The following SLC71A2 variants were observed in gnomAD, a reference collection of about 807,000 sequenced individuals.
SLC71A2 encodes solute carrier family 71 member 2.
the SLC71A2 span, among the ~76,000 whole-genome samples, chr9:94,435,970 GC>G: frequency 6.6e-6 from 1 of 151,286 alleles, no homozygotes; most frequent in Non-Finnish European, 1.5e-5. Context: ...TTCTTAAAAG[GC>G]TTTCTTTACT....
chr9:94,396,083 A>G, the SLC71A2 span, among the ~76,000 whole-genome samples: 2 of 151,886 alleles, frequency 1.3e-5, no homozygotes, highest in East Asian at 3.8e-4. Context: ...CTATAGGGAT[A>G]TGGCAGTGAA....
At chr9:94,446,687 T>G in the SLC71A2 span, 2 of 504,838 alleles carry the variant, frequency 4.0e-6, no homozygotes, top group Non-Finnish European at 7.1e-6. Context: ...AAGATGGTGA[T>G]AGAACTTCCT....
At chr9:94,435,254 A>G in the SLC71A2 span, among the ~76,000 whole-genome samples, 1 of 152,194 alleles carries the variant, frequency 6.6e-6, no homozygotes, top group Non-Finnish European at 1.5e-5. Context: ...TGTGTCACTA[A>G]ATAAATAGAA....
the SLC71A2 span, chr9:94,429,074 A>C: frequency 7.0e-7 from 1 of 1,438,022 alleles, no homozygotes; most frequent in Middle Eastern, 1.8e-4. Flanking sequence ...TTTTGTTGAT[A>C]TTTTATAATT....
At chr9:94,453,103 T>A in the SLC71A2 span, among the ~76,000 whole-genome samples, 1 of 151,956 alleles carries the variant, frequency 6.6e-6, no homozygotes, top group Non-Finnish European at 1.5e-5. Flanking sequence ...ACCTTTCAAG[T>A]TGATCATTTT....
At chr9:94,398,558 G>A in the SLC71A2 span, among the ~76,000 whole-genome samples, 2 of 152,148 alleles carry the variant, frequency 1.3e-5, no homozygotes, top group East Asian at 3.8e-4. Flanking sequence ...AGGTGCTGGA[G>A]TGATTACCCT....
the SLC71A2 span, chr9:94,438,525 C>T: frequency 9.3e-6 from 15 of 1,605,760 alleles, no homozygotes; most frequent in Non-Finnish European, 1.3e-5. Flanking sequence ...AGGATCAGCC[C>T]ATGGTGAGTG....
chr9:94,385,412 A>G, the SLC71A2 span, among the ~76,000 whole-genome samples: 1 of 152,346 alleles, frequency 6.6e-6, no homozygotes, highest in South Asian at 2.1e-4. Flanking sequence ...GGTTTGAGAA[A>G]GCCCAACTTC....
chr9:94,400,875 C>T, the SLC71A2 span, among the ~76,000 whole-genome samples: 2 of 152,154 alleles, frequency 1.3e-5, no homozygotes, highest in South Asian at 2.1e-4. Context: ...CCATTTAACC[C>T]TACCCTCCAA....
At chr9:94,429,546 T>C in the SLC71A2 span, among the ~76,000 whole-genome samples, 1 of 151,984 alleles carries the variant, frequency 6.6e-6, no homozygotes, top group Non-Finnish European at 1.5e-5. Context: ...TCTCTGCCTA[T>C]CAACAGAATA....
At chr9:94,442,166 A>G in the SLC71A2 span, among the ~76,000 whole-genome samples, 7 of 152,114 alleles carry the variant, frequency 4.6e-5, no homozygotes, top group Admixed American at 6.5e-5. Flanking sequence ...AATGCCAGAA[A>G]CTTAGGTTAT....
the SLC71A2 span, among the ~76,000 whole-genome samples, chr9:94,422,950 TCTAGA>T: frequency 1.5e-5 from 2 of 132,632 alleles, no homozygotes; most frequent in African/African-American, 5.7e-5. Context: ...TTTTTTTTTT[TCTAGA>T]TGGAGTCTTG....
chr9:94,450,626 A>T, the SLC71A2 span, among the ~76,000 whole-genome samples: 1 of 151,528 alleles, frequency 6.6e-6, no homozygotes, highest in East Asian at 1.9e-4. Context: ...AGTAGCTGGG[A>T]TTACAGGCAC....
At chr9:94,409,629 G>A in the SLC71A2 span, among the ~76,000 whole-genome samples, 1 of 152,096 alleles carries the variant, frequency 6.6e-6, no homozygotes, top group Non-Finnish European at 1.5e-5. Context: ...CCTGTTAAGC[G>A]CTGCTTTAAG....
chr9:94,425,380 C>T, the SLC71A2 span, among the ~76,000 whole-genome samples: 287 of 152,182 alleles, frequency 1.9e-3, 2 homozygotes, highest in East Asian at 0.012. Context: ...CAAAATTCTT[C>T]GCAAGTTATT....
chr9:94,439,069 TGGA>T, the SLC71A2 span, among the ~76,000 whole-genome samples: 2 of 70,866 alleles, frequency 2.8e-5, no homozygotes, highest in Admixed American at 2.2e-4. Context: ...TTGACTAGGC[TGGA>T]GTGCAGTGGC....
At chr9:94,432,710 G>C in the SLC71A2 span, 30,433 of 313,702 alleles carry the variant, frequency 0.097, 3,016 homozygotes, top group East Asian at 0.34. Context: ...GACACAGCCT[G>C]GACGAATGAT....
chr9:94,398,999 A>T, the SLC71A2 span, among the ~76,000 whole-genome samples: 1 of 149,116 alleles, frequency 6.7e-6, no homozygotes, highest in Non-Finnish European at 1.5e-5. Flanking sequence ...TATTTTTAGT[A>T]GAGATGGGGT....
At chr9:94,424,796 G>A in the SLC71A2 span, among the ~76,000 whole-genome samples, 1 of 134,432 alleles carries the variant, frequency 7.4e-6, no homozygotes, top group Non-Finnish European at 1.6e-5. Flanking sequence ...CTGGGGTGCA[G>A]TGGCTAGATC....
Sources: gnomAD v4.1 joint callset for allele counts (sites outside exome capture counted in the v4.1 genomes callset) on GRCh38, gnomAD v4.1.1 for gene constraint, MANE v1.5 for transcripts, NCBI Gene and HGNC (gene_info 2026-07-23, HGNC 2026-07-21) for gene names.